PRL: variants seen among roughly 807,000 people sequenced by gnomAD.
PRL encodes the protein prolactin.
PRL carries 24 observed loss-of-function variants against 21.3 expected under a neutral mutation model. That is an observed-to-expected ratio of 1.13 (90% CI 0.82 to 1.59). The LOEUF is 1.59. PRL is among the 40% of genes most tolerant of loss of function. PRL has a pLI of 0.00. For missense variants in PRL, 243 were observed against 286.9 expected (o/e 0.85, Z 1.10); for synonymous variants, 118 against 115.7 (o/e 1.02, Z -0.13).
Position 22,287,298 on chromosome 6 carries a change from C to A in PRL, c.*104G>T. Reference sequence around the variant, plus strand: ...CAGTTTTTATTTTTTAAGAGGAGACCTGTTACACCCAAGCATGGATTCAAA... The same window carrying A: ...CAGTTTTTATTTTTTAAGAGGAGACATGTTACACCCAAGCATGGATTCAAA... On this transcript the variant is annotated 3_prime_UTR_variant, in exon 5 of 5. Transcript: ENST00000306482. 1 of 1,176,924 alleles carries A rather than the reference C, an allele frequency of 8.5e-7. No individual in the cohort carries two copies. 72.9% of individuals were successfully genotyped at this position (1,176,924 alleles called of 1,614,324 possible). A position where few individuals can be genotyped will look rare whatever the true frequency, so the allele number is the denominator to read the frequency against.
At chr6:22,296,457 T>G (rs1375064144) in intron 1 of PRL, among the ~76,000 whole-genome samples, 4 of 152,224 alleles carry the variant, frequency 2.6e-5, no homozygotes, top group African/African-American at 9.6e-5. Flanking sequence ...TCAGGTTGAT[T>G]CAAGTTGGCC....
intron 1 of PRL, among the ~76,000 whole-genome samples, chr6:22,295,444 C>G (rs939666923): frequency 6.6e-6 from 1 of 152,096 alleles, no homozygotes; most frequent in Admixed American, 6.5e-5. Flanking sequence ...CATGAGTAGC[C>G]GTGATGGCTC....
chr6:22,293,590 G>A (rs1420188908), intron 2 of PRL, among the ~76,000 whole-genome samples: 1 of 142,526 alleles, frequency 7.0e-6, no homozygotes, highest in Non-Finnish European at 1.5e-5. Flanking sequence ...GAGGAAGGAA[G>A]GAAGGAGGGG....
chr6:22,290,236 C>A lies in PRL; in HGVS notation c.430G>T (p.Ala144Ser), dbSNP rs747092670. ...TTGGTTTGCTCCTCAATCTCTACAG[C>A]TTTGGATAGGATAGCCTCCGGGGCT... ...QEAPEAILSK[A>S]VEIEEQTKRL... Residue 144 changes from alanine (A) to serine (S), a missense_variant, in exon 4 of 5, where the codon GCT becomes TCT. By Grantham distance (99) the Ala-to-Ser change is moderately conservative. Coordinates refer to ENST00000306482, the MANE Select transcript of PRL (RefSeq NM_000948.6). The A allele has an allele frequency of 6.2e-7, 1 of 1,612,776 alleles. No homozygotes were observed.
chr6:22,294,592 A>G lies in PRL; in HGVS notation c.29-8T>C. On this transcript the variant is annotated splice_polypyrimidine_tract_variant and splice_region_variant and intron_variant, in intron 1 of 4. Coordinates refer to ENST00000306482, the MANE Select transcript of PRL (RefSeq NM_000948.6). Reference sequence around the variant, plus strand: ...GCAGCAGCAGGAGGGACCCTGCTTAAATAAGAACGCGAGCCACTCTGAGAT... The same window carrying G: ...GCAGCAGCAGGAGGGACCCTGCTTAGATAAGAACGCGAGCCACTCTGAGAT... The G allele has an allele frequency of 6.5e-7, 1 of 1,548,516 alleles. No homozygotes were observed. The highest frequency in any genetic ancestry group is 8.7e-7 in the Non-Finnish European group (1 of 1,149,664).
Position 22,292,656 on chromosome 6 carries a change from T to A in PRL, c.205-11A>T, listed in dbSNP as rs908254009. 1 of 1,606,736 alleles carries A rather than the reference T, an allele frequency of 6.2e-7. No individual in the cohort carries two copies. Among genetic ancestry groups the A allele is most frequent in the Non-Finnish European group, 8.5e-7 (1 of 1,174,804 alleles). ...GGTATACCGTTTATCCTGGAAATGA[T>A]GAGACAAATTCAATTAGTTGGGGTT... On this transcript the variant is annotated splice_polypyrimidine_tract_variant and intron_variant, in intron 2 of 4. Coordinates refer to ENST00000306482, the MANE Select transcript of PRL (RefSeq NM_000948.6).
intron 3 of PRL, chr6:22,291,098 C>T (rs1761040122): frequency 6.6e-6 from 1 of 152,164 alleles, no homozygotes. Context: ...CTCCAAGTAG[C>T]TGATTATCTC....
At position 22,288,945 on chromosome 6, in the gene PRL, T is replaced by C. The variant is rs553342406; in HGVS notation, c.492+1229A>G. On this transcript the variant is annotated intron_variant, in intron 4 of 4. Coordinates refer to ENST00000306482, the MANE Select transcript of PRL (RefSeq NM_000948.6). The surrounding 1 kb of genome is among the most constrained non-coding windows in gnomAD (Gnocchi z 4.5). ...GTGCGCGTGTGTGTGCATGTGTGTGTGCGTGCGCGTGTGTGTGCGTGTGTG... is the reference window on the plus strand; with the variant it reads ...GTGCGCGTGTGTGTGCATGTGTGTGCGCGTGCGCGTGTGTGTGCGTGTGTG... Among the ~76,000 whole-genome samples, 32 of 151,582 alleles carry C rather than the reference T, an allele frequency of 2.1e-4. No homozygotes were observed. The highest frequency in any genetic ancestry group is 3.4e-4 in the Non-Finnish European group (23 of 67,820).
At chr6:22,301,194 G>A (rs1228703775), upstream of PRL, among the ~76,000 whole-genome samples, 13 of 152,116 alleles carry the variant, frequency 8.5e-5, no homozygotes, top group Non-Finnish European at 2.9e-5. Flanking sequence ...TCTAGCTAGG[G>A]ATCAATTGGT....
exon 1 of PRL, among the ~76,000 whole-genome samples, chr6:22,302,790 G>A (rs1335383695): frequency 6.6e-6 from 1 of 152,092 alleles, no homozygotes; most frequent in Non-Finnish European, 1.5e-5. Flanking sequence ...TCTTCTTGGT[G>A]TCTCTGTCTT....
chr6:22,298,986 G>A (rs1399310280), upstream of PRL, among the ~76,000 whole-genome samples: 4 of 152,114 alleles, frequency 2.6e-5, no homozygotes, highest in African/African-American at 9.7e-5. Context: ...TTTATTGTGT[G>A]TCTCCTTGCT....
chr6:22,291,410 TG>T (rs1761047121), intron 3 of PRL, among the ~76,000 whole-genome samples: 1 of 152,150 alleles, frequency 6.6e-6, no homozygotes, highest in African/African-American at 2.4e-5. Context: ...TCTCAGTGAG[TG>T]TAATGACAGT....
In PRL at chr6:22,290,324, GCTGA is replaced by G. The variant is rs1581384284; in HGVS notation, c.338_341del (p.Val113AlafsTer32). 1 of 1,605,348 alleles carries G rather than the reference GCTGA, an allele frequency of 6.2e-7. No homozygotes were observed. The highest frequency in any genetic ancestry group is 8.5e-7 in the Non-Finnish European group (1 of 1,174,024). ...GAGGCTCATTCCAGGATCGCAATAT[GCTGA>G]CTATCAGGCTCAGAAAGTCTTTTTG... On this transcript the variant is annotated frameshift_variant, in exon 4 of 5. Transcript: ENST00000306482. LOFTEE classifies it high-confidence loss of function.
At chr6:22,290,378 C>G (rs377513982) in intron 3 of PRL, 25 bp from the exon 4 acceptor site, 11 of 1,503,964 alleles carry the variant, frequency 7.3e-6, no homozygotes, top group Non-Finnish European at 9.0e-6. Context: ...AGAACAATTG[C>G]ATTAAAATAG....
chr6:22,293,673 G>GAA (rs1761109646), intron 2 of PRL, among the ~76,000 whole-genome samples: 1 of 29,372 alleles, frequency 3.4e-5, no homozygotes, highest in African/African-American at 1.3e-4. Context: ...GAAGGAAGGA[G>GAA]GGAAGGAAGG....
intron 1 of PRL, among the ~76,000 whole-genome samples, chr6:22,295,729 A>C (rs1309094262): frequency 6.6e-6 from 1 of 152,194 alleles, no homozygotes; most frequent in Non-Finnish European, 1.5e-5. Context: ...TCACTTGTTA[A>C]CTTCAGTGGC....
At chr6:22,291,139 G>A (rs765979073) in intron 3 of PRL, among the ~76,000 whole-genome samples, 3 of 152,184 alleles carry the variant, frequency 2.0e-5, no homozygotes, top group Admixed American at 6.5e-5. Flanking sequence ...GTAGATGTCC[G>A]TGAACTAGTC....
chr6:22,290,185 TC>T lies in PRL; in HGVS notation c.480del (p.Ile161Ter). 6.3e-7 allele frequency: 1 copy of T among 1,580,768 alleles called. No homozygotes were observed. Among genetic ancestry groups the T allele is most frequent in the South Asian group, 1.1e-5 (1 of 87,666 alleles). On this transcript the variant is annotated frameshift_variant, in exon 4 of 5. Coordinates refer to ENST00000306482, the MANE Select transcript of PRL (RefSeq NM_000948.6). LOFTEE classifies it low-confidence loss of function (END_TRUNC). ...QTKRLLEGME[L>X]IVSQVHPETK... ...AGGAGGCTGCTCACCTGGCTGACTA[TC>T]AGCTCCATGCCCTCTAGAAGCCGTT...
upstream of PRL, among the ~76,000 whole-genome samples, chr6:22,297,723 A>G (rs1212529279): frequency 6.6e-6 from 1 of 152,206 alleles, no homozygotes; most frequent in Non-Finnish European, 1.5e-5. Flanking sequence ...GTTAAGTGGT[A>G]TTATTCTCTC....
Sources: gnomAD v4.1 joint callset for allele counts (sites outside exome capture counted in the v4.1 genomes callset) on GRCh38, gnomAD v4.1.1 for gene constraint, Gnocchi (gnomAD v3.1) non-coding constraint, MANE v1.5 for transcripts, NCBI Gene and HGNC (gene_info 2026-07-23, HGNC 2026-07-21) for gene names.